Variants in USP18 observed in about 807,000 individuals in gnomAD.
USP18 encodes the protein ubiquitin specific peptidase 18.
In USP18, 11 loss-of-function variants were observed where a neutral mutation model predicts 48.7. That is an observed-to-expected ratio of 0.23 (90% CI 0.14 to 0.37). The LOEUF is 0.37. Among genes scored for constraint, USP18 ranks in the 10% least tolerant of loss-of-function variants. USP18 has a pLI of 1.00. For missense variants in USP18, 285 were observed against 436.4 expected (o/e 0.65, Z 3.09); for synonymous variants, 114 against 163.2 (o/e 0.70, Z 2.30).
chr22:18,174,793 C>T (rs981543620), intron 10 of USP18, among the ~76,000 whole-genome samples: 2 of 152,166 alleles, frequency 1.3e-5, no homozygotes, highest in Admixed American at 6.5e-5. Flanking sequence ...GATGAGGTCT[C>T]GCTATGTTGC....
At chr22:18,158,935 T>TA (rs1929242765) in intron 2 of USP18, among the ~76,000 whole-genome samples, 2 of 148,946 alleles carry the variant, frequency 1.3e-5, no homozygotes, top group African/African-American at 5.0e-5. Context: ...CTTTCTCTAA[T>TA]GTTTTTTTTT....
chr22:18,157,770 T>C lies in USP18; in HGVS notation c.107T>C (p.Met36Thr). Residue 36 changes from methionine (M) to threonine (T), a missense_variant, in exon 2 of 11, where the codon ATG becomes ACG. Met to Thr is a moderately conservative substitution (Grantham distance 81, BLOSUM62 -1). Around this residue, in one of 5 missense-constraint regions of USP18, gnomAD observed 199 missense variants for 239.6 expected, o/e 0.83. Transcript: ENST00000215794. ...GAAAAGAAGGAAGAAGACAGCAACA[T>C]GAAGAGAGAGCAGCCCAGAGAGCGT... ...LEEKKEEDSN[M>T]KREQPRERPR... 2 of 1,614,044 alleles carry C rather than the reference T, an allele frequency of 1.2e-6. No individual in the cohort carries two copies. Among genetic ancestry groups the C allele is most frequent in the Non-Finnish European group, 1.7e-6 (2 of 1,179,992 alleles).
intron 10 of USP18, among the ~76,000 whole-genome samples, chr22:18,174,661 T>C (rs1243488318): frequency 2.0e-5 from 3 of 151,948 alleles, no homozygotes; most frequent in Non-Finnish European, 4.4e-5. Context: ...TGATCATAGC[T>C]CACTGCAGCC....
At chr22:18,152,694 G>C (rs188137983) in intron 1 of USP18, among the ~76,000 whole-genome samples, 1 of 151,984 alleles carries the variant, frequency 6.6e-6, no homozygotes, top group South Asian at 2.1e-4. Context: ...CTCTCTGCTC[G>C]CCTTGCCCTC....
At chr22:18,167,169 G>C (rs112286677) in intron 4 of USP18, 86 bp from the exon 5 acceptor site, 8 of 1,499,382 alleles carry the variant, frequency 5.3e-6, no homozygotes, top group African/African-American at 1.4e-5. Context: ...ACAAAGTGAT[G>C]AGTGTTCATG....
intron 1 of USP18, among the ~76,000 whole-genome samples, chr22:18,151,896 TA>T (rs1278210172): frequency 1.3e-4 from 19 of 151,770 alleles, no homozygotes; most frequent in Non-Finnish European, 2.5e-4. Context: ...CTACTAAAAA[TA>T]AAAAATATTA....
At chr22:18,169,131 TC>T (rs1556610745) in intron 6 of USP18, among the ~76,000 whole-genome samples, 1 of 56,112 alleles carries the variant, frequency 1.8e-5, no homozygotes. Context: ...CCCAAAAATC[TC>T]CTGTTCAATT....
chr22:18,170,380 T>C (rs894297226), intron 7 of USP18, among the ~76,000 whole-genome samples: 8 of 152,184 alleles, frequency 5.3e-5, no homozygotes, highest in African/African-American at 1.9e-4. Flanking sequence ...TTCTGATATC[T>C]GGAGCCGTGG....
chr22:18,176,018 C>T (rs1929779452), intron 10 of USP18, among the ~76,000 whole-genome samples: 1 of 123,332 alleles, frequency 8.1e-6, no homozygotes, highest in East Asian at 2.3e-4. Flanking sequence ...CACGGTGGCT[C>T]ACGCCTGTAA....
chr22:18,164,217 C>T (rs1339322527), intron 4 of USP18, among the ~76,000 whole-genome samples: 1 of 151,922 alleles, frequency 6.6e-6, no homozygotes, highest in African/African-American at 2.4e-5. Flanking sequence ...TGGTTTCCTG[C>T]TCTGTCAGCT....
At chr22:18,171,343 A>T (rs1438801757) in intron 8 of USP18, among the ~76,000 whole-genome samples, 1 of 132,640 alleles carries the variant, frequency 7.5e-6, no homozygotes, top group Non-Finnish European at 1.6e-5. Context: ...AAAAAAAGAG[A>T]CACAAGGCCA....
intron 4 of USP18, 82 bp downstream of exon 4, chr22:18,162,017 G>T (rs1929348064): frequency 6.7e-7 from 1 of 1,488,844 alleles, no homozygotes. Flanking sequence ...GAACTAACGG[G>T]CAGTGAAGCA....
chr22:18,164,024 G>T (rs1929404374), intron 4 of USP18, among the ~76,000 whole-genome samples: 1 of 152,234 alleles, frequency 6.6e-6, no homozygotes, highest in African/African-American at 2.4e-5. Context: ...CACTCATATT[G>T]AAACTGCACA....
At chr22:18,170,034 A>G in intron 7 of USP18, 95 bp downstream of exon 7, 1 of 1,342,250 alleles carries the variant, frequency 7.5e-7, no homozygotes, top group Non-Finnish European at 1.0e-6. Context: ...CACACACTCA[A>G]GTCACACCCA....
intron 1 of USP18, among the ~76,000 whole-genome samples, chr22:18,151,008 A>G (rs1015959955): frequency 3.9e-5 from 6 of 152,254 alleles, no homozygotes; most frequent in Admixed American, 2.6e-4. Context: ...TAAACAATGC[A>G]TGGAGATTTA....
intron 8 of USP18, among the ~76,000 whole-genome samples, chr22:18,172,939 C>T (rs2080729): frequency 0.091 from 12,767 of 140,472 alleles, 766 homozygotes; most frequent in African/African-American, 0.11. Flanking sequence ...CCATCTCTTG[C>T]GTGCTCTGCC....
intron 1 of USP18, among the ~76,000 whole-genome samples, chr22:18,154,995 G>C (rs142456925): frequency 6.6e-6 from 1 of 152,322 alleles, no homozygotes; most frequent in East Asian, 1.9e-4. Context: ...GTGCTGGGGG[G>C]TGCTCTAAGC....
intron 3 of USP18, among the ~76,000 whole-genome samples, chr22:18,161,175 G>A (rs1032492732): frequency 1.1e-4 from 16 of 151,240 alleles, no homozygotes; most frequent in East Asian, 3.9e-4. Flanking sequence ...GACCAAAGTC[G>A]GAGAAGGAGT....
chr22:18,159,998 G>T (rs1446488091), intron 2 of USP18, among the ~76,000 whole-genome samples, 174 bp from the exon 3 acceptor site: 1 of 151,830 alleles, frequency 6.6e-6, no homozygotes, highest in Non-Finnish European at 1.5e-5. Context: ...TTTTTTTGTA[G>T]AGACATGGTT....
Sources: gnomAD v4.1 joint callset for allele counts (sites outside exome capture counted in the v4.1 genomes callset) on GRCh38, gnomAD v4.1.1 for gene constraint, gnomAD v4.1.1 regional missense constraint, MANE v1.5 for transcripts, NCBI Gene and HGNC (gene_info 2026-07-23, HGNC 2026-07-21) for gene names.